Variants in EFNA5 observed in about 807,000 individuals in gnomAD.
The protein encoded by EFNA5 is ephrin A5, also known as ephrin-A5.
A neutral mutation model predicts 22.9 loss-of-function variants in EFNA5; 5 were observed. The ratio of observed to expected loss-of-function variants is 0.22; its 90% CI spans 0.11 to 0.46. EFNA5 has a LOEUF of 0.46. Ranked by LOEUF, EFNA5 falls within the 20% of genes least tolerant of loss-of-function variation. The pLI, the probability that EFNA5 is intolerant of heterozygous loss-of-function variation, is 0.99. For synonymous variants in EFNA5, 113 were observed against 112.2 expected (o/e 1.01, Z -0.04); for missense variants, 237 against 293.3 (o/e 0.81, Z 1.40).
chr5:107,669,956 C>G (rs1365565191), intron 1 of EFNA5, among the ~76,000 whole-genome samples: 1 of 151,740 alleles, frequency 6.6e-6, no homozygotes, highest in African/African-American at 2.4e-5. Context: ...CTTCCGCTTC[C>G]CAGCCCCCCT....
intron 1 of EFNA5, among the ~76,000 whole-genome samples, chr5:107,474,089 T>C (rs1436345308): frequency 6.6e-6 from 1 of 152,224 alleles, no homozygotes; most frequent in Non-Finnish European, 1.5e-5. Flanking sequence ...GTTTAGCCAG[T>C]ACAATGTTTC....
At chr5:107,640,289 C>T (rs567641503) in intron 1 of EFNA5, among the ~76,000 whole-genome samples, 2 of 152,066 alleles carry the variant, frequency 1.3e-5, no homozygotes, top group East Asian at 3.9e-4. Context: ...TATCATTCAG[C>T]CTGCTTCCAG....
intron 1 of EFNA5, among the ~76,000 whole-genome samples, chr5:107,600,058 C>G (rs1158165925): frequency 6.6e-6 from 1 of 152,166 alleles, no homozygotes; most frequent in African/African-American, 2.4e-5. Context: ...GACAGAAGAA[C>G]CTGGATGCTA....
chr5:107,617,554 T>C (rs1749948717), intron 1 of EFNA5, among the ~76,000 whole-genome samples: 1 of 152,102 alleles, frequency 6.6e-6, no homozygotes, highest in Non-Finnish European at 1.5e-5. Context: ...GACATGACAA[T>C]GAAGCGGGAA....
At chr5:107,505,958 C>T (rs998849125) in intron 1 of EFNA5, among the ~76,000 whole-genome samples, 3 of 152,140 alleles carry the variant, frequency 2.0e-5, no homozygotes, top group African/African-American at 7.2e-5. Context: ...AGCTAGTGAG[C>T]GACAGAGCCA....
At chr5:107,590,562 T>G (rs1749299454) in intron 1 of EFNA5, among the ~76,000 whole-genome samples, 1 of 152,008 alleles carries the variant, frequency 6.6e-6, no homozygotes, top group Admixed American at 6.6e-5. Flanking sequence ...CTATTTTTTT[T>G]TCTATTTTTT....
rs146810582 is a variant in EFNA5 at position 107,447,230 on chromosome 5, C to G, written c.126-19721G>C. ...TGAGACTTTGCAATTCTGCTGAGGT[C>G]AGCTCAAAAGACTAAGTGTCTTCAC... On this transcript the variant is annotated intron_variant, in intron 1 of 4. Coordinates refer to ENST00000333274, the MANE Select transcript of EFNA5 (RefSeq NM_001962.3). Among the ~76,000 whole-genome samples, 328 of 148,014 alleles carry G rather than the reference C, an allele frequency of 2.2e-3. 2 individuals are homozygous for G. The highest frequency in any genetic ancestry group is 7.8e-3 in the African/African-American group (315 of 40,458).
intron 1 of EFNA5, among the ~76,000 whole-genome samples, chr5:107,663,358 A>T (rs781138697): frequency 6.6e-6 from 1 of 152,150 alleles, no homozygotes; most frequent in Non-Finnish European, 1.5e-5. Context: ...CATATATTAT[A>T]CTGCGTGGTT....
At chr5:107,539,917 T>C (rs1355874378) in intron 1 of EFNA5, among the ~76,000 whole-genome samples, 1 of 152,202 alleles carries the variant, frequency 6.6e-6, no homozygotes, top group Non-Finnish European at 1.5e-5. Context: ...GGCTTTCGAA[T>C]GTGGCTTTTG....
intron 2 of EFNA5, among the ~76,000 whole-genome samples, chr5:107,420,120 C>T (rs941680019): frequency 6.6e-6 from 1 of 152,228 alleles, no homozygotes; most frequent in East Asian, 1.9e-4. Flanking sequence ...AAAAATCAGA[C>T]ATCAAGAGGA....
chr5:107,386,148 C>A (rs374086660), intron 4 of EFNA5, among the ~76,000 whole-genome samples: 393 of 79,278 alleles, frequency 5.0e-3, no homozygotes, highest in South Asian at 0.012. Context: ...AGAAATTCTA[C>A]AAAAAAAAAA....
intron 2 of EFNA5, among the ~76,000 whole-genome samples, chr5:107,394,899 T>G (rs190698370): frequency 2.6e-5 from 4 of 152,260 alleles, no homozygotes; most frequent in Non-Finnish European, 5.9e-5. Context: ...GACAACAAAC[T>G]TTGTTTCTGC....
chr5:107,457,346 T>C (rs564612723), intron 1 of EFNA5, among the ~76,000 whole-genome samples: 32 of 152,268 alleles, frequency 2.1e-4, no homozygotes, highest in Middle Eastern at 3.4e-3. Context: ...TGACTCAGCC[T>C]CTGAAGGTCT....
intron 2 of EFNA5, among the ~76,000 whole-genome samples, chr5:107,411,539 C>T (rs1436060014): frequency 1.3e-5 from 2 of 152,218 alleles, no homozygotes; most frequent in East Asian, 1.9e-4. Flanking sequence ...CTTGATGAAA[C>T]TATCTACTTG....
intron 1 of EFNA5, among the ~76,000 whole-genome samples, chr5:107,592,632 G>T (rs72660777): frequency 6.6e-6 from 1 of 151,996 alleles, no homozygotes; most frequent in Non-Finnish European, 1.5e-5. Context: ...GCACCAGGCC[G>T]CAGTCAGAAC....
At chr5:107,405,094 A>C (rs1748173611) in intron 2 of EFNA5, among the ~76,000 whole-genome samples, 1 of 152,214 alleles carries the variant, frequency 6.6e-6, no homozygotes, top group Non-Finnish European at 1.5e-5. Context: ...CAGTAACCTA[A>C]TGTTCCAAGA....
rs547754770 is a variant in EFNA5, at chr5:107,560,913, T to C, written c.125+109576A>G. Among the ~76,000 whole-genome samples the C allele has an allele frequency of 2.9e-4, 44 of 152,218 alleles. 1 individual carries two copies. Among genetic ancestry groups the C allele is most frequent in the Non-Finnish European group, 7.3e-5 (5 of 68,042 alleles). ...TCCAGAACTAAGCCCTATAGTTCTG[T>C]AATGTGAGCGCCACCTTTACATCAG... On this transcript the variant is annotated intron_variant, in intron 1 of 4. Transcript: ENST00000333274.
chr5:107,638,347 G>A (rs1222872056), intron 1 of EFNA5, among the ~76,000 whole-genome samples: 3 of 152,068 alleles, frequency 2.0e-5, no homozygotes, highest in South Asian at 2.1e-4. Flanking sequence ...GGACTGGGGC[G>A]GGTGGGTGAA....
rs141493303 is a variant in EFNA5 at position 107,466,349 on chromosome 5, C to G, written c.126-38840G>C. On this transcript the variant is annotated intron_variant, in intron 1 of 4. Transcript: ENST00000333274. The stretch of plus-strand genomic sequence containing the variant: ...TAATACTTCATCCTCCCTGCCCAGT[C>G]AGCTAGGCTTGGAGAAAGATAGCTC... Among the ~76,000 whole-genome samples, 4 of 152,240 alleles carry G rather than the reference C, an allele frequency of 2.6e-5. No homozygotes were observed. The East Asian group carries it at 5.8e-4, about 22-fold the overall frequency.
Sources: allele counts gnomAD v4.1 joint callset (sites outside exome capture counted in the v4.1 genomes callset), GRCh38; gene constraint gnomAD v4.1.1; transcripts MANE v1.5; gene names NCBI Gene and HGNC (gene_info 2026-07-23, HGNC 2026-07-21).